Variants in NAV3 observed in about 807,000 individuals in gnomAD.
NAV3 encodes the protein neuron navigator 3.
A neutral mutation model predicts 244.7 loss-of-function variants in NAV3; 87 were observed. The ratio of observed to expected loss-of-function variants is 0.36; its 90% confidence interval spans 0.30 to 0.42. NAV3 has a LOEUF of 0.42. Ranked by LOEUF, NAV3 falls within the 20% of genes least tolerant of loss-of-function variation. The pLI is 1.00. For synonymous variants in NAV3, 1,126 were observed against 1,042.2 expected (o/e 1.08, Z -1.55); for missense variants, 2,663 against 2,893.3 (o/e 0.92, Z 1.83).
At chr12:77,929,439 G>C (rs1888554370) in intron 1 of NAV3, among the ~76,000 whole-genome samples, 1 of 152,004 alleles carries the variant, frequency 6.6e-6, no homozygotes, top group Admixed American at 6.6e-5. Flanking sequence ...TACTAAGTGG[G>C]AGACACCAGT....
chr12:77,766,735 G>GTTTTTTTTTTTTTTTTTTTTTTTTTTTT (rs748531378), intron 2 of NAV3, among the ~76,000 whole-genome samples: 2 of 60,518 alleles, frequency 3.3e-5, no homozygotes, highest in Admixed American at 2.4e-4. Context: ...AGGCAATTAA[G>GTTTTTTTTTTTTTTTTTTTTTTTTTTTT]TTTTTTTTTT....
intron 8 of NAV3, among the ~76,000 whole-genome samples, chr12:78,015,092 C>T (rs1875955544): frequency 6.6e-6 from 1 of 152,062 alleles, no homozygotes; most frequent in Non-Finnish European, 1.5e-5. Context: ...TCACAAACTA[C>T]CTTTTCTGTG....
chr12:78,169,179 G>GTTAATACATGCATATCTGACTTCA (rs1957900634), intron 24 of NAV3, among the ~76,000 whole-genome samples: 1 of 151,492 alleles, frequency 6.6e-6, no homozygotes, highest in Non-Finnish European at 1.5e-5. Flanking sequence ...GGAGTGGTTG[G>GTTAATACATGCATATCTGACTTCA]TTAATACATG....
chr12:78,049,633 A>G lies in NAV3; in HGVS notation c.2024-360A>G, dbSNP rs543092273. 3.1e-3 allele frequency among the ~76,000 whole-genome samples: 474 copies of G among 152,250 alleles called. 3 individuals carry two copies. Among genetic ancestry groups the G allele is most frequent in the Non-Finnish European group, 3.2e-3 (221 of 68,016 alleles). On this transcript the variant is annotated intron_variant, in intron 9 of 39. Coordinates refer to ENST00000397909, the MANE Select transcript of NAV3 (RefSeq NM_001024383.2). ...CTGTGTTGATCTCACTGGGAGCAGC[A>G]GACTGGAGCTGTTCCTATTCAGCCA...
chr12:78,117,020 G>T, intron 13 of NAV3, 116 bp downstream of exon 13: 1 of 1,196,874 alleles, frequency 8.4e-7, no homozygotes, highest in Non-Finnish European at 1.2e-6. Flanking sequence ...ACAGAAACTG[G>T]AAAATGCAGA....
chr12:77,951,250 G>A (rs1344607998), intron 3 of NAV3, among the ~76,000 whole-genome samples: 3 of 152,168 alleles, frequency 2.0e-5, no homozygotes, highest in Non-Finnish European at 4.4e-5. Context: ...CCATCAACAA[G>A]TGGGCGAAGG....
At position 77,854,735 on chromosome 12, in the gene NAV3, G is replaced by A. The variant is rs529003278; in HGVS notation, c.243+23031G>A. Among the ~76,000 whole-genome samples the A allele has an allele frequency of 8.5e-5, 13 of 152,176 alleles. No homozygotes were observed. In the East Asian group the frequency reaches 1.5e-3, roughly 18 times the overall value. The stretch of plus-strand genomic sequence containing the variant: ...AGTTCATTTCCTTATCAATCATGCC[G>A]CCTCTTTCTACTATCTTTTCTAAAT... On this transcript the variant is annotated intron_variant, in intron 1 of 39. Coordinates refer to ENST00000397909, the MANE Select transcript of NAV3 (RefSeq NM_001024383.2).
chr12:77,962,237 G>C (rs984140981), intron 3 of NAV3, among the ~76,000 whole-genome samples: 3 of 151,828 alleles, frequency 2.0e-5, no homozygotes, highest in African/African-American at 7.3e-5. Context: ...CACTTTTGTT[G>C]ATAATCCACC....
At chr12:77,660,741 C>G (rs1269377705) in intron 2 of NAV3, among the ~76,000 whole-genome samples, 1 of 152,046 alleles carries the variant, frequency 6.6e-6, no homozygotes, top group East Asian at 1.9e-4. Context: ...TTCTCTGTGC[C>G]TGTTTGAGAG....
chr12:78,129,701 A>G (rs1956079698), intron 18 of NAV3, among the ~76,000 whole-genome samples: 1 of 152,166 alleles, frequency 6.6e-6, no homozygotes, highest in South Asian at 2.1e-4. Context: ...TATTTTTATT[A>G]TTAGTTTATC....
chr12:77,831,169 CAGAGAGAG>C lies in NAV3; in HGVS notation c.-275_-268del, dbSNP rs71088341. 0.018 allele frequency: 2,504 copies of C among 142,658 alleles called. 10 individuals are homozygous for C. Among genetic ancestry groups the C allele is most frequent in the South Asian group, 0.037 (241 of 6,434 alleles). The allele number at this position is 142,658 out of a possible 1,614,324, so 8.8% of individuals were successfully genotyped here. Reference sequence around the variant, plus strand: ...CACTGAACAGAGAGAGAGAGAGAGACAGAGAGAGAGAGAGAGAGAGAGAGACAGAGAGA... The same window carrying C: ...CACTGAACAGAGAGAGAGAGAGAGACAGAGAGAGAGAGAGAGACAGAGAGA... On this transcript the variant is annotated 5_prime_UTR_variant, in exon 1 of 40. Coordinates refer to ENST00000397909, the MANE Select transcript of NAV3 (RefSeq NM_001024383.2).
At chr12:77,849,505 A>G (rs79426320) in intron 1 of NAV3, among the ~76,000 whole-genome samples, 1,751 of 152,268 alleles carry the variant, frequency 0.011, 28 homozygotes, top group African/African-American at 0.04. Context: ...ATTTCAGGTG[A>G]TGGGTTGTAG....
intron 2 of NAV3, among the ~76,000 whole-genome samples, chr12:77,658,097 G>A (rs1419116666): frequency 2.0e-5 from 3 of 151,944 alleles, no homozygotes; most frequent in East Asian, 1.9e-4. Flanking sequence ...AGTGTTGGAA[G>A]TTCTGGCCAG....
intron 2 of NAV3, among the ~76,000 whole-genome samples, chr12:77,657,432 C>T (rs1213687583): frequency 6.6e-6 from 1 of 152,004 alleles, no homozygotes; most frequent in Non-Finnish European, 1.5e-5. Flanking sequence ...CTGAATAGAC[C>T]AATAACAGGA....
chr12:78,009,004 C>A (rs1347940227), intron 8 of NAV3, among the ~76,000 whole-genome samples: 1 of 152,054 alleles, frequency 6.6e-6, no homozygotes, highest in African/African-American at 2.4e-5. Flanking sequence ...TCAATCCTTT[C>A]AAAAAATCAC....
chr12:77,689,496 A>G (rs1874908431), intron 2 of NAV3, among the ~76,000 whole-genome samples: 1 of 151,956 alleles, frequency 6.6e-6, no homozygotes, highest in Non-Finnish European at 1.5e-5. Flanking sequence ...TTTATGTTGG[A>G]TGTTTCAGGA....
intron 2 of NAV3, among the ~76,000 whole-genome samples, chr12:77,754,508 C>T (rs908815682): frequency 6.6e-6 from 1 of 152,160 alleles, no homozygotes; most frequent in African/African-American, 2.4e-5. Flanking sequence ...CAATTCACAG[C>T]ATAGAATTAT....
At chr12:77,628,529 A>G (rs1592519085) in intron 2 of NAV3, among the ~76,000 whole-genome samples, 2 of 152,226 alleles carry the variant, frequency 1.3e-5, no homozygotes, top group Non-Finnish European at 2.9e-5. Flanking sequence ...AGTAATTTTT[A>G]TAAACTATTA....
intron 3 of NAV3, among the ~76,000 whole-genome samples, chr12:77,962,291 T>G (rs750505176): frequency 2.0e-5 from 3 of 152,246 alleles, no homozygotes; most frequent in Admixed American, 6.5e-5. Flanking sequence ...AATTTAGATC[T>G]CCACCCCAAC....
Sources: gnomAD v4.1 joint callset for allele counts (sites outside exome capture counted in the v4.1 genomes callset) on GRCh38, gnomAD v4.1.1 for gene constraint, MANE v1.5 for transcripts, NCBI Gene and HGNC (gene_info 2026-07-23, HGNC 2026-07-21) for gene names.